Variants in PCDHA9 observed in about 807,000 individuals in gnomAD.
PCDHA9 encodes the protein protocadherin alpha-9.
PCDHA9 carries 62 observed loss-of-function variants against 62.0 expected under a neutral mutation model. That is an observed-to-expected ratio of 1.00 (90% confidence interval 0.81 to 1.23). The LOEUF is 1.23. Ranked by LOEUF, PCDHA9 falls within the 50% of genes most tolerant of loss-of-function variation. PCDHA9 has a pLI of 0.00. For missense variants in PCDHA9, 1,205 were observed against 1,249.8 expected, an observed-to-expected ratio of 0.96 and a Z score of 0.54; for synonymous variants, 557 against 567.6, an observed-to-expected ratio of 0.98 and a Z score of 0.27.
intron 1 of PCDHA9, chr5:140,875,542 T>A: frequency 6.2e-7 from 1 of 1,614,134 alleles, no homozygotes; most frequent in Non-Finnish European, 8.5e-7. Flanking sequence ...CCTTGCAGCC[T>A]GGGAGGTGGG....
At chr5:140,926,864 T>C in intron 1 of PCDHA9, 1 of 1,522,480 alleles carries the variant, frequency 6.6e-7, no homozygotes, top group South Asian at 1.3e-5. Flanking sequence ...GTGTAGCGTG[T>C]TGGTGGAACG....
intron 3 of PCDHA9, among the ~76,000 whole-genome samples, chr5:140,993,715 G>A (rs954129865): frequency 2.0e-5 from 3 of 152,060 alleles, no homozygotes; most frequent in Non-Finnish European, 4.4e-5. Flanking sequence ...TATTTTTACT[G>A]TACCTTTTCT....
At chr5:140,852,855 T>C in intron 1 of PCDHA9, 1 of 964,490 alleles carries the variant, frequency 1.0e-6, no homozygotes, top group Non-Finnish European at 1.3e-6. Flanking sequence ...TTACTAAGCA[T>C]TTACTATGTC....
chr5:140,868,890 G>A (rs1013785921), intron 1 of PCDHA9: 2 of 748,714 alleles, frequency 2.7e-6, no homozygotes, highest in African/African-American at 1.8e-5. Flanking sequence ...AGTTTTAGGC[G>A]CAAGGTGTCG....
chr5:140,906,665 AC>A (rs558667206), intron 1 of PCDHA9, among the ~76,000 whole-genome samples: 132 of 152,200 alleles, frequency 8.7e-4, no homozygotes, highest in African/African-American at 3.2e-3. Context: ...TGGTGTAGTG[AC>A]CCAAACCTTC....
At chr5:140,969,170 G>A in intron 1 of PCDHA9, 1 of 1,614,114 alleles carries the variant, frequency 6.2e-7, no homozygotes. Flanking sequence ...AGCAGGCTCA[G>A]GGAGTGACAC....
chr5:140,880,168 T>A (rs1287992545), intron 1 of PCDHA9, among the ~76,000 whole-genome samples: 1 of 152,084 alleles, frequency 6.6e-6, no homozygotes, highest in East Asian at 1.9e-4. Flanking sequence ...ATGTTAGAAG[T>A]TAAACATGAA....
At chr5:140,869,551 TCG>T in intron 1 of PCDHA9, 1 of 1,614,218 alleles carries the variant, frequency 6.2e-7, no homozygotes, top group Non-Finnish European at 8.5e-7. Context: ...GCAATCGGAC[TCG>T]CGTTTTCCAC....
intron 1 of PCDHA9, chr5:140,884,600 C>T: frequency 6.2e-7 from 1 of 1,614,150 alleles, no homozygotes; most frequent in Non-Finnish European, 8.5e-7. Flanking sequence ...CAGCCTTCCT[C>T]CTTGTCTGGG....
In PCDHA9 at chr5:140,850,297, C is replaced by G; in HGVS notation, c.1802C>G (p.Ser601Trp). The change falls in exon 1 of 4, where the codon TCG becomes TGG. Residue 601 changes from serine to tryptophan, a missense_variant. By Grantham distance (177) the Ser-to-Trp change is radical. Around this residue, in one of 3 missense-constraint regions of PCDHA9, gnomAD observed 887 missense variants for 809.5 expected, o/e 1.10. Transcript: ENST00000532602. ...VGKVRAVDAD[S>W]GYNAWLSYEL... is the part of the protein sequence containing the mutation. ...AAGGTGCGCGCAGTGGACGCCGACT[C>G]GGGCTACAACGCGTGGCTTTCATAC... The G allele has an allele frequency of 1.3e-6, 2 of 1,596,438 alleles. No individual in the cohort carries two copies. Among genetic ancestry groups the G allele is most frequent in the Non-Finnish European group, 1.7e-6 (2 of 1,167,588 alleles).
intron 1 of PCDHA9, among the ~76,000 whole-genome samples, chr5:140,916,378 A>C (rs772984424): frequency 6.6e-6 from 1 of 152,158 alleles, no homozygotes; most frequent in Non-Finnish European, 1.5e-5. Flanking sequence ...TGTAGCCACC[A>C]CAACTAGGAA....
At chr5:140,888,173 T>A (rs1231331780) in intron 1 of PCDHA9, among the ~76,000 whole-genome samples, 1 of 152,224 alleles carries the variant, frequency 6.6e-6, no homozygotes, top group African/African-American at 2.4e-5. Context: ...AATAAGATGC[T>A]AGACATTGTG....
chr5:140,985,226 C>T (rs1319001576), intron 3 of PCDHA9, among the ~76,000 whole-genome samples: 6 of 152,126 alleles, frequency 3.9e-5, no homozygotes, highest in Admixed American at 6.5e-5. Flanking sequence ...CGTGAGCCAC[C>T]GCGCCTGGCC....
chr5:140,980,545 G>A lies in PCDHA9; in HGVS notation c.2453+1538G>A, dbSNP rs190037193. ...CTAGGGAGGCTGAGGCAGGAGAATC[G>A]CTTGAACCCGGGAGGCGGAAGTTGC... On this transcript the variant is annotated intron_variant, in intron 2 of 3. Transcript: ENST00000532602. 4.1e-3 allele frequency among the ~76,000 whole-genome samples: 627 copies of A among 152,232 alleles called. 4 individuals are homozygous for A. Among genetic ancestry groups the A allele is most frequent in the Non-Finnish European group, 6.8e-3 (460 of 67,996 alleles).
chr5:140,989,552 G>A (rs975079697), intron 3 of PCDHA9, among the ~76,000 whole-genome samples: 33 of 152,180 alleles, frequency 2.2e-4, no homozygotes, highest in African/African-American at 7.7e-4. Context: ...ATTCCTTTAC[G>A]TTTTGTGGCT....
Position 141,009,722 on chromosome 5 carries a change from G to A in PCDHA9, c.2638G>A (p.Gly880Ser), listed in dbSNP as rs552954748. ...KYGPGNPKQSGPGELPDKFII... is the reference protein window; with the variant it reads ...KYGPGNPKQSSPGELPDKFII... ...CGGACCAGGCAACCCCAAACAATCC[G>A]GTCCCGGTGAGTTGCCCGACAAATT... The change falls in exon 4 of 4, where the codon GGT (glycine) becomes AGT (serine). Residue 880 changes from glycine (G) to serine (S), a missense_variant. Gly to Ser is a moderately conservative substitution (Grantham distance 56). This residue lies in a region of PCDHA9 where 887 missense variants were observed against 809.5 expected (regional missense o/e 1.10). Transcript: ENST00000532602. 5.2e-5 allele frequency: 84 copies of A among 1,614,140 alleles called. No homozygotes were observed. The South Asian group carries it at 6.7e-4, about 13-fold the overall frequency.
At chr5:140,901,181 G>A (rs2068491755) in intron 1 of PCDHA9, among the ~76,000 whole-genome samples, 1 of 152,010 alleles carries the variant, frequency 6.6e-6, no homozygotes, top group African/African-American at 2.4e-5. Flanking sequence ...TTTGTTGATT[G>A]TTTGCTTTTC....
At chr5:140,944,053 A>G (rs246065) in intron 1 of PCDHA9, among the ~76,000 whole-genome samples, 85,768 of 152,016 alleles carry the variant, frequency 0.56, 24,809 homozygotes, top group African/African-American at 0.69. Context: ...TTGGGATACA[A>G]AAAGGTTTCT....
intron 1 of PCDHA9, chr5:140,884,552 G>A (rs1554181720): frequency 6.2e-7 from 1 of 1,614,142 alleles, no homozygotes; most frequent in East Asian, 2.2e-5. Context: ...GTGCTCTGGG[G>A]AGGGCCCGCA....
Sources: gnomAD v4.1 joint callset for allele counts (sites outside exome capture counted in the v4.1 genomes callset) on GRCh38, gnomAD v4.1.1 for gene constraint, gnomAD v4.1.1 regional missense constraint, MANE v1.5 for transcripts, NCBI Gene and HGNC (gene_info 2026-07-23, HGNC 2026-07-21) for gene names.